The following CTNNBL1 variants were observed in gnomAD, a reference collection of about 807,000 sequenced individuals.
CTNNBL1 encodes beta-catenin-like protein 1.
A neutral mutation model predicts 72.7 loss-of-function variants in CTNNBL1; 31 were observed. The observed-to-expected ratio is 0.43, with a 90% CI of 0.32 to 0.58. The LOEUF (loss-of-function observed/expected upper bound fraction) is 0.58. Ranked by LOEUF, CTNNBL1 falls within the 20% of genes least tolerant of loss-of-function variation. The probability of loss-of-function intolerance (pLI) is 0.08; values close to 1 mark genes in which losing one functional copy is unlikely to be tolerated. For synonymous variants in CTNNBL1, 240 were observed against 267.3 expected (o/e 0.90, Z 1.00); for missense variants, 534 against 725.1 (o/e 0.74, Z 3.03).
intron 11 of CTNNBL1, among the ~76,000 whole-genome samples, chr20:37,831,453 C>T (rs1292369753): frequency 4.6e-5 from 7 of 151,916 alleles, no homozygotes; most frequent in Admixed American, 4.6e-4. Context: ...GTAAGCTCCA[C>T]CTCCTGGGTT....
intron 11 of CTNNBL1, among the ~76,000 whole-genome samples, chr20:37,831,522 C>CAGGT (rs2091603874): frequency 6.6e-6 from 1 of 152,022 alleles, no homozygotes; most frequent in Admixed American, 6.6e-5. Context: ...CCCGCCACCA[C>CAGGT]GCCCAGCTAA....
chr20:37,707,353 A>T (rs1168339903), intron 1 of CTNNBL1, among the ~76,000 whole-genome samples: 1 of 152,232 alleles, frequency 6.6e-6, no homozygotes, highest in African/African-American at 2.4e-5. Context: ...AGCCACCTTC[A>T]TCAATGATCT....
At chr20:37,776,727 GA>G (rs1156649844) in intron 7 of CTNNBL1, among the ~76,000 whole-genome samples, 1 of 152,188 alleles carries the variant, frequency 6.6e-6, no homozygotes, top group Non-Finnish European at 1.5e-5. Context: ...AGCGGGGAAA[GA>G]ATTGTGGGTA....
intron 3 of CTNNBL1, among the ~76,000 whole-genome samples, chr20:37,743,434 A>G (rs2073235417): frequency 6.6e-6 from 1 of 152,138 alleles, no homozygotes; most frequent in Admixed American, 6.5e-5. Flanking sequence ...GCAAGCAGAG[A>G]AGGAAGCCTT....
Position 37,760,408 on chromosome 20 carries a change from C to T in CTNNBL1, c.564+2752C>T, listed in dbSNP as rs562255208. Among the ~76,000 whole-genome samples, 216 of 152,312 alleles carry T rather than the reference C, an allele frequency of 1.4e-3. 2 individuals carry two copies. The highest frequency in any genetic ancestry group is 5.1e-3 in the African/African-American group (212 of 41,564). On this transcript the variant is annotated intron_variant, in intron 5 of 15. Coordinates refer to ENST00000361383, the MANE Select transcript of CTNNBL1 (RefSeq NM_030877.5). ...CTACCTGGAATACTACCTCTCATCC[C>T]TTTATCTCTTCCCTTTTGAGTTTTT...
At chr20:37,812,813 G>T (rs2072023501) in intron 11 of CTNNBL1, among the ~76,000 whole-genome samples, 3 of 152,200 alleles carry the variant, frequency 2.0e-5, no homozygotes, top group Admixed American at 2.0e-4. Context: ...GACAGACACA[G>T]AAACCTGCAT....
At chr20:37,754,565 T>TG (rs1272711189) in intron 4 of CTNNBL1, among the ~76,000 whole-genome samples, 1 of 152,210 alleles carries the variant, frequency 6.6e-6, no homozygotes, top group East Asian at 1.9e-4. Context: ...CTTGGAAGAG[T>TG]GGGGAGGTGT....
intron 5 of CTNNBL1, among the ~76,000 whole-genome samples, chr20:37,760,658 A>G (rs1388436056): frequency 3.3e-5 from 5 of 152,258 alleles, no homozygotes; most frequent in African/African-American, 1.2e-4. Context: ...TGGAGATAAC[A>G]GTAGTGCCTA....
chr20:37,737,296 G>T, intron 2 of CTNNBL1, 82 bp from the exon 3 acceptor site: 2 of 914,282 alleles, frequency 2.2e-6, no homozygotes, highest in African/African-American at 1.6e-5. Context: ...GTGAGGTGGG[G>T]TATAAGAGCC....
At position 37,854,551 on chromosome 20, in the gene CTNNBL1, ATATTATTATTATTATTATTATTAT is replaced by A. The variant is rs139266490; in HGVS notation, c.1393-5316_1393-5293del. On this transcript the variant is annotated intron_variant, in intron 13 of 15. Transcript: ENST00000361383. ...TGGGGGTAAGAATCCCTGCCTCTCAATATTATTATTATTATTATTATTATTATTATTATTATTATTATTATTATT... is the reference window on the plus strand; with the variant it reads ...TGGGGGTAAGAATCCCTGCCTCTCAATATTATTATTATTATTATTATTATT... Among the ~76,000 whole-genome samples the A allele has an allele frequency of 7.5e-4, 97 of 129,274 alleles. 2 individuals carry two copies. The highest frequency in any genetic ancestry group is 2.9e-3 in the East Asian group (13 of 4,496). 84.8% of individuals were successfully genotyped at this position (129,274 alleles called of 152,430 possible).
intron 1 of CTNNBL1, among the ~76,000 whole-genome samples, chr20:37,706,500 A>G (rs2072886625): frequency 6.6e-6 from 1 of 152,238 alleles, no homozygotes. Context: ...GCTTATCCTT[A>G]GGAAACATTC....
intron 7 of CTNNBL1, among the ~76,000 whole-genome samples, chr20:37,772,100 A>G (rs1305159196): frequency 1.3e-5 from 2 of 152,202 alleles, no homozygotes; most frequent in Non-Finnish European, 2.9e-5. Context: ...AGATGACTCC[A>G]TCACCTGGCC....
chr20:37,713,943 T>C (rs1372007724), intron 1 of CTNNBL1, among the ~76,000 whole-genome samples: 1 of 152,018 alleles, frequency 6.6e-6, no homozygotes, highest in Non-Finnish European at 1.5e-5. Context: ...GGGAAGTCAA[T>C]ATTCTTAGTT....
chr20:37,752,120 G>A (rs1479378089), intron 4 of CTNNBL1, among the ~76,000 whole-genome samples: 1 of 152,216 alleles, frequency 6.6e-6, no homozygotes, highest in Non-Finnish European at 1.5e-5. Flanking sequence ...TTTTGGTCTT[G>A]TTTATGGGTT....
intron 7 of CTNNBL1, among the ~76,000 whole-genome samples, chr20:37,773,518 A>T (rs975088848): frequency 2.6e-5 from 4 of 152,242 alleles, no homozygotes; most frequent in Admixed American, 1.3e-4. Context: ...ACAAGTTCCA[A>T]GTCCCGCTGA....
intron 1 of CTNNBL1, among the ~76,000 whole-genome samples, chr20:37,717,039 C>A (rs1173883876): frequency 6.6e-6 from 1 of 152,164 alleles, no homozygotes; most frequent in Non-Finnish European, 1.5e-5. Context: ...CACACATGAT[C>A]CGGTTCTCAC....
chr20:37,786,591 A>G (rs915988249), intron 10 of CTNNBL1, among the ~76,000 whole-genome samples: 2 of 152,110 alleles, frequency 1.3e-5, no homozygotes, highest in Admixed American at 6.5e-5. Context: ...ATAAATATGC[A>G]TATGTGTATT....
At position 37,803,054 on chromosome 20, in the gene CTNNBL1, G is replaced by A. The variant is rs775726289; in HGVS notation, c.1213+6G>A. ...CACTGAGAAGGAACATGAAGGTAGGGTTCACTGGAGGAGTCAGCCTAATTT... is the reference window on the plus strand; with the variant it reads ...CACTGAGAAGGAACATGAAGGTAGGATTCACTGGAGGAGTCAGCCTAATTT... On this transcript the variant is annotated splice_donor_region_variant and intron_variant, in intron 11 of 15. Transcript: ENST00000361383. 1.2e-6 allele frequency: 2 copies of A among 1,612,140 alleles called. No homozygotes were observed. The highest frequency in any genetic ancestry group is 1.7e-6 in the Non-Finnish European group (2 of 1,178,718).
intron 11 of CTNNBL1, among the ~76,000 whole-genome samples, chr20:37,810,051 T>G (rs2071995812): frequency 6.6e-6 from 1 of 152,192 alleles, no homozygotes; most frequent in Non-Finnish European, 1.5e-5. Flanking sequence ...AAGATCAAAA[T>G]TAATACTTAC....
Sources: allele counts gnomAD v4.1 joint callset (sites outside exome capture counted in the v4.1 genomes callset), GRCh38; gene constraint gnomAD v4.1.1; transcripts MANE v1.5; gene names NCBI Gene and HGNC (gene_info 2026-07-23, HGNC 2026-07-21).